The following B3GALNT2 variants were observed in gnomAD, a reference collection of about 807,000 sequenced individuals.
B3GALNT2 encodes the protein beta-1,3-N-acetylgalactosaminyltransferase 2.
In B3GALNT2, 53 loss-of-function variants were observed where a neutral mutation model predicts 61.1. The observed-to-expected ratio is 0.87, with a 90% CI of 0.70 to 1.09. B3GALNT2 has a LOEUF of 1.09. B3GALNT2 is among the 50% of genes least tolerant of loss of function. The pLI, the probability that B3GALNT2 is intolerant of heterozygous loss-of-function variation, is 0.00. For synonymous variants in B3GALNT2, 223 were observed against 237.4 expected (o/e 0.94, Z 0.56); for missense variants, 544 against 623.0 (o/e 0.87, Z 1.35).
intron 4 of B3GALNT2, 82 bp from the exon 5 acceptor site, chr1:235,480,231 CT>C (rs543764865): frequency 6.5e-7 from 1 of 1,535,140 alleles, no homozygotes; most frequent in Non-Finnish European, 8.8e-7. Flanking sequence ...CACCTTACTT[CT>C]TGGTCAGCTA....
At chr1:235,495,330 G>A (rs915823780) in intron 1 of B3GALNT2, among the ~76,000 whole-genome samples, 1 of 152,164 alleles carries the variant, frequency 6.6e-6, no homozygotes, top group African/African-American at 2.4e-5. Flanking sequence ...AGGCATATAT[G>A]AGGCATTCAA....
chr1:235,448,430 A>G lies in B3GALNT2; in HGVS notation c.*1776T>C, dbSNP rs1199806424. On this transcript the variant is annotated 3_prime_UTR_variant, in exon 12 of 12. Coordinates refer to ENST00000366600, the MANE Select transcript of B3GALNT2 (RefSeq NM_152490.5). Reference sequence around the variant, plus strand: ...GTGTCAGACCTTCTGTTGTCCTATGAAAGTCCCAAAGTAAGTTGCCCAGCA... The same window carrying G: ...GTGTCAGACCTTCTGTTGTCCTATGGAAGTCCCAAAGTAAGTTGCCCAGCA... 6.2e-7 allele frequency: 1 copy of G among 1,614,146 alleles called. No homozygotes were observed. Among genetic ancestry groups the G allele is most frequent in the Non-Finnish European group, 8.5e-7 (1 of 1,180,010 alleles).
rs1572473523 is a variant in B3GALNT2, at chr1:235,449,853, A to G, written c.*353T>C. The G allele has an allele frequency of 1.0e-5, 2 of 191,592 alleles. No homozygotes were observed. The highest frequency in any genetic ancestry group is 2.0e-4 in the South Asian group (2 of 10,138). The allele number at this position is 191,592 out of a possible 1,614,324, so 11.9% of individuals were successfully genotyped here. ...TTCAAACTCTCAGTTACTACTACAG[A>G]TTTCTGAACTAGGCCAAGTTTTAAC... is the stretch of plus-strand genomic sequence containing the variant. On this transcript the variant is annotated 3_prime_UTR_variant, in exon 12 of 12. Transcript: ENST00000366600.
chr1:235,494,842 C>T lies in B3GALNT2; in HGVS notation c.113-14G>A, dbSNP rs765656986. ...AGGCCAACTGATCTAGAAATAAGAACAATACATGAGAAATAAGTCATGTAT... is the reference window on the plus strand; with the variant it reads ...AGGCCAACTGATCTAGAAATAAGAATAATACATGAGAAATAAGTCATGTAT... On this transcript the variant is annotated splice_polypyrimidine_tract_variant and intron_variant, in intron 1 of 11. Transcript: ENST00000366600. 6.3e-7 allele frequency: 1 copy of T among 1,585,394 alleles called. No individual in the cohort carries two copies. Among genetic ancestry groups the T allele is most frequent in the Admixed American group, 1.7e-5 (1 of 58,848 alleles).
chr1:235,477,499 C>T (rs1233743344), intron 5 of B3GALNT2, among the ~76,000 whole-genome samples: 1 of 151,986 alleles, frequency 6.6e-6, no homozygotes, highest in Non-Finnish European at 1.5e-5. Context: ...CTGCGATTAG[C>T]TTGAAGCATT....
rs763104607 is a variant in B3GALNT2, at chr1:235,470,950, C to T, written c.662G>A (p.Gly221Asp). ...GTCTTGGCTCTCCCACACGATTGTA[C>T]CTTCAAAGCTCTTTTGTAGAAAGAT... ...EQFILPESFE[G>D]TIVWESQDLH... is the part of the protein sequence containing the mutation. Residue 221 changes from glycine (G) to aspartate (D), a missense_variant, in exon 6 of 12, where the codon GGT becomes GAT. Transcript: ENST00000366600. 4 of 1,613,624 alleles carry T rather than the reference C, an allele frequency of 2.5e-6. No individual in the cohort carries two copies. The highest frequency in any genetic ancestry group is 1.6e-4 in the Middle Eastern group (1 of 6,084).
intron 5 of B3GALNT2, among the ~76,000 whole-genome samples, chr1:235,473,830 A>C (rs1684117108): frequency 6.6e-6 from 1 of 152,198 alleles, no homozygotes; most frequent in African/African-American, 2.4e-5. Flanking sequence ...TGAAACTACA[A>C]ATCTAGAAAA....
At chr1:235,489,021 G>A in intron 3 of B3GALNT2, 147 bp downstream of exon 3, 1 of 1,113,354 alleles carries the variant, frequency 9.0e-7, no homozygotes, top group South Asian at 2.4e-5. Context: ...CTGCACGCCA[G>A]CCTAGGCGAC....
At chr1:235,484,590 G>T in intron 3 of B3GALNT2, 75 bp from the exon 4 acceptor site, 2 of 1,442,850 alleles carry the variant, frequency 1.4e-6, no homozygotes, top group Non-Finnish European at 1.8e-6. Context: ...TAGTGAAGTG[G>T]GCTTAATGCC....
intron 11 of B3GALNT2, chr1:235,451,206 C>G (rs1160564868): frequency 6.6e-6 from 1 of 152,166 alleles, no homozygotes; most frequent in Admixed American, 6.5e-5. Context: ...ACAAAACACA[C>G]TCAGCTTGTC....
Position 235,484,450 on chromosome 1 carries a change from G to A in B3GALNT2, c.427C>T (p.Arg143Ter), listed in dbSNP as rs762259872. 11 of 1,614,040 alleles carry A rather than the reference G, an allele frequency of 6.8e-6. No homozygotes were observed. The highest frequency in any genetic ancestry group is 1.1e-5 in the South Asian group (1 of 91,094). ...ACTCGGAAACTCACGCTGACAACTC[G>A]ATCCTCAGGCAGCCCCGATGAAGTG... ...EDTSSGLPED[R>*]VVSVSFRVLY... The change falls in exon 4 of 12, where the codon CGA becomes TGA. Residue 143 changes from arginine to a stop codon, truncating the protein, a stop_gained. Transcript: ENST00000366600. LOFTEE classifies it high-confidence loss of function.
At chr1:235,474,461 A>T (rs1197011556) in intron 5 of B3GALNT2, among the ~76,000 whole-genome samples, 3 of 152,138 alleles carry the variant, frequency 2.0e-5, no homozygotes, top group Non-Finnish European at 4.4e-5. Context: ...TGTGCCTATA[A>T]ACATTAACAA....
intron 6 of B3GALNT2, among the ~76,000 whole-genome samples, chr1:235,469,638 C>T (rs765511439): frequency 9.9e-5 from 15 of 151,310 alleles, no homozygotes; most frequent in Non-Finnish European, 1.5e-5. Flanking sequence ...CTGCAACCTC[C>T]ACCTCTGGGG....
intron 10 of B3GALNT2, 99 bp from the exon 11 acceptor site, chr1:235,453,245 T>C: frequency 2.5e-6 from 3 of 1,210,204 alleles, no homozygotes; most frequent in Non-Finnish European, 3.6e-6. Flanking sequence ...ACCTTTCTAC[T>C]TTTTTGCTCT....
Position 235,458,768 on chromosome 1 carries a change from T to G in B3GALNT2, c.860A>C (p.His287Pro). Residue 287 changes from histidine (H) to proline (P), a missense_variant, in exon 8 of 12, where the codon CAC (histidine) becomes CCC (proline). Physicochemically the swap from His to Pro is moderately conservative, Grantham distance 77. Coordinates refer to ENST00000366600, the MANE Select transcript of B3GALNT2 (RefSeq NM_152490.5). ...YTIQEGDALL[H>P]NLHSRPQRLI... ...TCTTTGAGGGCGAGAATGAAGGTTG[T>G]GTAAGAGAGCATCACCTTCTATAAA... 1 of 1,592,522 alleles carries G rather than the reference T, an allele frequency of 6.3e-7. No homozygotes were observed. The highest frequency in any genetic ancestry group is 8.5e-7 in the Non-Finnish European group (1 of 1,173,142).
chr1:235,441,799 T>G, the B3GALNT2 span: 103 of 1,613,274 alleles, frequency 6.4e-5, no homozygotes, highest in Non-Finnish European at 8.6e-5. Context: ...TCATCTCTTT[T>G]GCTTTCTTAA....
At chr1:235,482,283 A>G (rs530957559) in intron 4 of B3GALNT2, among the ~76,000 whole-genome samples, 1 of 152,148 alleles carries the variant, frequency 6.6e-6, no homozygotes, top group East Asian at 1.9e-4. Flanking sequence ...TGAGGATACA[A>G]CTCTAGGGTA....
chr1:235,467,844 A>C (rs1156871496), intron 6 of B3GALNT2, among the ~76,000 whole-genome samples: 1 of 151,816 alleles, frequency 6.6e-6, no homozygotes, highest in Non-Finnish European at 1.5e-5. Context: ...CAATGGCGTG[A>C]TCTTGGCTCA....
chr1:235,496,996 T>G (rs1488301455), intron 1 of B3GALNT2, among the ~76,000 whole-genome samples: 1 of 152,252 alleles, frequency 6.6e-6, no homozygotes, highest in African/African-American at 2.4e-5. Context: ...ATAGCTTATC[T>G]GAGTCTAAAT....
Sources: gnomAD v4.1 joint callset for allele counts (sites outside exome capture counted in the v4.1 genomes callset) on GRCh38, gnomAD v4.1.1 for gene constraint, MANE v1.5 for transcripts, NCBI Gene and HGNC (gene_info 2026-07-23, HGNC 2026-07-21) for gene names.